Variants in MAD1L1 observed in about 807,000 individuals in gnomAD.
The protein encoded by MAD1L1 is mitotic spindle assembly checkpoint protein MAD1.
In MAD1L1, 95 loss-of-function variants were observed where a neutral mutation model predicts 96.9. That is an observed-to-expected ratio of 0.98 (90% CI 0.83 to 1.16). The LOEUF (loss-of-function observed/expected upper bound fraction) is 1.16, where lower values mean the gene tolerates loss of function less well. Among genes scored for constraint, MAD1L1 ranks in the 50% most tolerant of loss-of-function variants. The pLI, the probability that MAD1L1 is intolerant of heterozygous loss-of-function variation, is 0.00. For synonymous variants in MAD1L1, 473 were observed against 396.6 expected (o/e 1.19, Z -2.29); for missense variants, 1,007 against 954.4 (o/e 1.06, Z -0.73).
rs932280605 is a variant in MAD1L1, at chr7:2,142,303, G to A, written c.1073+6849C>T. On this transcript the variant is annotated intron_variant, in intron 11 of 18. Coordinates refer to ENST00000265854, the MANE Select transcript of MAD1L1 (RefSeq NM_001013836.2). The surrounding 1 kb of genome is among the most constrained non-coding windows in gnomAD (Gnocchi z 4.7). ...GAAAGCAGATGCCATCAAGGGCCCC[G>A]TTCTAGAGACAGACAAGGAGCCTCA... Among the ~76,000 whole-genome samples the A allele has an allele frequency of 1.2e-4, 19 of 152,212 alleles. No homozygotes were observed. Among genetic ancestry groups the A allele is most frequent in the East Asian group, 3.9e-4 (2 of 5,194 alleles).
intron 11 of MAD1L1, among the ~76,000 whole-genome samples, chr7:2,109,160 T>C (rs2128555027): frequency 6.6e-6 from 1 of 152,170 alleles, no homozygotes; most frequent in East Asian, 1.9e-4. Flanking sequence ...CACCATCCCA[T>C]CTCCCACCTA....
chr7:1,980,817 C>G, intron 14 of MAD1L1: 1 of 566,930 alleles, frequency 1.8e-6, no homozygotes, highest in Non-Finnish European at 3.4e-6. Context: ...ATGTGAGAGT[C>G]TCTGGAGAGT....
intron 16 of MAD1L1, among the ~76,000 whole-genome samples, chr7:1,943,291 G>A (rs1015835400): frequency 1.1e-4 from 17 of 152,224 alleles, no homozygotes; most frequent in Non-Finnish European, 2.1e-4. Context: ...GAACTCTTGT[G>A]CTTCAAAGGA....
At chr7:2,229,622 C>T (rs572525109) in intron 3 of MAD1L1, among the ~76,000 whole-genome samples, 1 of 152,216 alleles carries the variant, frequency 6.6e-6, no homozygotes, top group African/African-American at 2.4e-5. Flanking sequence ...ACAGCCTTCC[C>T]GACAGTCCTG....
intron 16 of MAD1L1, among the ~76,000 whole-genome samples, chr7:1,954,669 C>A (rs967022454): frequency 6.6e-6 from 1 of 152,218 alleles, no homozygotes. Flanking sequence ...CTTCAGAACA[C>A]TGCAACACGT....
chr7:2,049,227 T>C (rs1784061794), intron 12 of MAD1L1, among the ~76,000 whole-genome samples: 1 of 151,600 alleles, frequency 6.6e-6, no homozygotes, highest in Non-Finnish European at 1.5e-5. Context: ...AGTGAGAGAG[T>C]GACAGAGCTC....
chr7:1,880,217 T>C (rs1428264572), intron 18 of MAD1L1, among the ~76,000 whole-genome samples: 1 of 152,212 alleles, frequency 6.6e-6, no homozygotes, highest in Non-Finnish European at 1.5e-5. Context: ...CCTGGGCTGA[T>C]GACATCCATG....
intron 10 of MAD1L1, among the ~76,000 whole-genome samples, chr7:2,188,105 T>C (rs1003563341): frequency 3.3e-5 from 5 of 152,338 alleles, no homozygotes; most frequent in Non-Finnish European, 7.3e-5. Flanking sequence ...AAATGAGCAA[T>C]GTATGATGTT....
intron 13 of MAD1L1, among the ~76,000 whole-genome samples, chr7:2,005,807 AC>A (rs1374992994): frequency 2.6e-5 from 4 of 152,192 alleles, no homozygotes; most frequent in Non-Finnish European, 5.9e-5. Flanking sequence ...TGTCAAAAAA[AC>A]AAAAACGAAG....
chr7:1,908,362 T>C (rs975164651), intron 17 of MAD1L1, among the ~76,000 whole-genome samples: 14 of 152,194 alleles, frequency 9.2e-5, no homozygotes, highest in African/African-American at 3.4e-4. Context: ...TTCCAGGCTG[T>C]ATACACTCCT....
intron 11 of MAD1L1, among the ~76,000 whole-genome samples, chr7:2,085,340 G>A (rs987631177): frequency 3.3e-5 from 5 of 152,174 alleles, no homozygotes; most frequent in African/African-American, 4.8e-5. Context: ...CCACCTCACC[G>A]TGTGGTCTGT....
At chr7:1,818,975 G>A (rs1447777262) in intron 18 of MAD1L1, among the ~76,000 whole-genome samples, 1 of 152,010 alleles carries the variant, frequency 6.6e-6, no homozygotes, top group Non-Finnish European at 1.5e-5. Context: ...TGAACAAGTC[G>A]ACCTGCTGTG....
At chr7:1,956,237 C>T (rs1365179116) in intron 16 of MAD1L1, among the ~76,000 whole-genome samples, 1 of 152,102 alleles carries the variant, frequency 6.6e-6, no homozygotes, top group Admixed American at 6.5e-5. Flanking sequence ...CCCTGGACGT[C>T]CCCCCACTAA....
intron 12 of MAD1L1, among the ~76,000 whole-genome samples, chr7:2,063,149 G>C (rs932868528): frequency 6.6e-6 from 1 of 152,210 alleles, no homozygotes; most frequent in Non-Finnish European, 1.5e-5. Flanking sequence ...TGTATTCTTT[G>C]AGCTGTATGT....
At chr7:2,014,271 AC>A in intron 13 of MAD1L1, among the ~76,000 whole-genome samples, 4 of 152,242 alleles carry the variant, frequency 2.6e-5, no homozygotes, top group Admixed American at 2.6e-4. Context: ...GCAGGCTGGG[AC>A]CACCTGAGAC....
rs73287670 is a variant in MAD1L1, at chr7:2,146,469, G to A, written c.1073+2683C>T. Among the ~76,000 whole-genome samples the A allele has an allele frequency of 0.019, 2,943 of 151,786 alleles. 108 individuals are homozygous for A. Among genetic ancestry groups the A allele is most frequent in the African/African-American group, 0.068 (2,791 of 41,054 alleles). ...AAGCTCCTCAGATGGCGAGAACAGCGTTCACTACCAGGGAAAGATGGACAC... is the reference window on the plus strand; with the variant it reads ...AAGCTCCTCAGATGGCGAGAACAGCATTCACTACCAGGGAAAGATGGACAC... On this transcript the variant is annotated intron_variant, in intron 11 of 18. Coordinates refer to ENST00000265854, the MANE Select transcript of MAD1L1 (RefSeq NM_001013836.2). This position sits in a 1 kb window ranked among gnomAD's most constrained non-coding sequence, Gnocchi z 6.2.
At chr7:1,842,031 G>A (rs902794457) in intron 18 of MAD1L1, among the ~76,000 whole-genome samples, 4 of 152,208 alleles carry the variant, frequency 2.6e-5, no homozygotes, top group Admixed American at 6.5e-5. Flanking sequence ...GTCACCATCC[G>A]CTGCAAATTG....
chr7:1,823,117 G>A (rs761296732), intron 18 of MAD1L1, among the ~76,000 whole-genome samples: 18 of 152,132 alleles, frequency 1.2e-4, no homozygotes, highest in Non-Finnish European at 2.5e-4. Flanking sequence ...TAATCGATAC[G>A]GAAAAGTCAC....
chr7:1,854,625 G>GC (rs1784153564), intron 18 of MAD1L1, among the ~76,000 whole-genome samples: 1 of 152,110 alleles, frequency 6.6e-6, no homozygotes, highest in Admixed American at 6.5e-5. Context: ...GCCTCCTCAT[G>GC]CCCCTCACAG....
Sources: allele counts gnomAD v4.1 joint callset (sites outside exome capture counted in the v4.1 genomes callset), GRCh38; gene constraint gnomAD v4.1.1; non-coding constraint Gnocchi (gnomAD v3.1); transcripts MANE v1.5; gene names NCBI Gene and HGNC (gene_info 2026-07-23, HGNC 2026-07-21).